GRID2: variants seen among roughly 807,000 people sequenced by gnomAD.
GRID2 encodes the protein glutamate ionotropic receptor delta type subunit 2, also known as glutamate receptor ionotropic, delta-2.
A neutral mutation model predicts 114.8 loss-of-function variants in GRID2; 33 were observed. That is an observed-to-expected ratio of 0.29 (90% CI 0.22 to 0.38). The LOEUF (loss-of-function observed/expected upper bound fraction) is 0.38. Ranked by LOEUF, GRID2 falls within the 10% of genes least tolerant of loss-of-function variation. The pLI, the probability that GRID2 is intolerant of heterozygous loss-of-function variation, is 1.00. For missense variants in GRID2, 1,184 were observed against 1,257.7 expected (o/e 0.94, Z 0.89); for synonymous variants, 505 against 449.9 (o/e 1.12, Z -1.55).
chr4:92,346,054 A>C (rs1328099642), intron 1 of GRID2, among the ~76,000 whole-genome samples: 5 of 152,202 alleles, frequency 3.3e-5, no homozygotes, highest in Non-Finnish European at 7.3e-5. Context: ...AAGAAGCACC[A>C]CTACTGATTG....
chr4:93,196,430 T>A (rs1741499616), intron 4 of GRID2, among the ~76,000 whole-genome samples: 1 of 152,186 alleles, frequency 6.6e-6, no homozygotes, highest in Non-Finnish European at 1.5e-5. Flanking sequence ...AACCTTTTGA[T>A]TTTTGTTTTC....
intron 8 of GRID2, among the ~76,000 whole-genome samples, chr4:93,368,341 A>T (rs1051323910): frequency 7.2e-5 from 11 of 152,288 alleles, no homozygotes; most frequent in African/African-American, 2.6e-4. Flanking sequence ...TATGTTCTTA[A>T]CTATGTTACA....
intron 14 of GRID2, among the ~76,000 whole-genome samples, chr4:93,752,314 T>C (rs1221199472): frequency 6.6e-6 from 1 of 152,150 alleles, no homozygotes; most frequent in Non-Finnish European, 1.5e-5. Context: ...GAAGTAATGA[T>C]AACAGAATTT....
chr4:93,022,889 T>A (rs1357141606), intron 2 of GRID2, among the ~76,000 whole-genome samples: 1 of 151,994 alleles, frequency 6.6e-6, no homozygotes, highest in Non-Finnish European at 1.5e-5. Context: ...TTAAAAAAAA[T>A]TCACTTGTGT....
chr4:93,458,812 T>A (rs1723443282), intron 11 of GRID2, among the ~76,000 whole-genome samples: 1 of 152,054 alleles, frequency 6.6e-6, no homozygotes, highest in African/African-American at 2.4e-5. Context: ...TAGATATTGA[T>A]TGAAATAGTA....
intron 9 of GRID2, among the ~76,000 whole-genome samples, chr4:93,412,349 G>C (rs1225200104): frequency 6.6e-6 from 1 of 151,004 alleles, no homozygotes; most frequent in Non-Finnish European, 1.5e-5. Flanking sequence ...AGCCGTGATT[G>C]TGCCATTGCA....
chr4:92,597,051 C>G lies in GRID2; in HGVS notation c.244+6765C>G, dbSNP rs921338937. On this transcript the variant is annotated intron_variant, in intron 2 of 15. Transcript: ENST00000282020. The stretch of plus-strand genomic sequence containing the variant: ...TTTTAAGTATACTTTTCAGGAAAGA[C>G]AGGTATTTTCTTTTTTTTACGATCA... Among the ~76,000 whole-genome samples the G allele has an allele frequency of 4.0e-5, 6 of 151,896 alleles. No homozygotes were observed. In the East Asian group the frequency reaches 1.2e-3, roughly 29 times the overall value.
chr4:93,199,616 C>G (rs1000293351), intron 4 of GRID2, among the ~76,000 whole-genome samples: 1 of 152,000 alleles, frequency 6.6e-6, no homozygotes, highest in African/African-American at 2.4e-5. Context: ...AGCAGAGATT[C>G]TAAAGCAAAA....
chr4:92,463,162 A>T (rs968645424), intron 1 of GRID2, among the ~76,000 whole-genome samples: 26 of 151,914 alleles, frequency 1.7e-4, no homozygotes, highest in Non-Finnish European at 3.5e-4. Flanking sequence ...TTAGTGTAAA[A>T]TTTTTATTTA....
At chr4:92,364,587 G>A (rs1728763005) in intron 1 of GRID2, among the ~76,000 whole-genome samples, 1 of 151,770 alleles carries the variant, frequency 6.6e-6, no homozygotes, top group Admixed American at 6.6e-5. Flanking sequence ...GAGAGGTCTA[G>A]TATAGACTTT....
intron 2 of GRID2, among the ~76,000 whole-genome samples, chr4:92,825,795 C>T (rs1251482273): frequency 6.6e-6 from 1 of 152,118 alleles, no homozygotes; most frequent in Non-Finnish European, 1.5e-5. Flanking sequence ...GACACCTGGA[C>T]ATTGTGCCAT....
intron 8 of GRID2, chr4:93,306,319 G>A (rs1269250490): frequency 6.6e-6 from 1 of 152,156 alleles, no homozygotes; most frequent in African/African-American, 2.4e-5. Context: ...ACATTTTCCA[G>A]ATGTGAGATT....
intron 13 of GRID2, among the ~76,000 whole-genome samples, chr4:93,572,083 A>G (rs1227588625): frequency 1.3e-5 from 2 of 152,166 alleles, no homozygotes; most frequent in Non-Finnish European, 2.9e-5. Flanking sequence ...AGGTCAAGTG[A>G]TTGCTTGAAA....
At chr4:92,335,421 C>T (rs888766576) in intron 1 of GRID2, among the ~76,000 whole-genome samples, 3 of 152,180 alleles carry the variant, frequency 2.0e-5, no homozygotes, top group African/African-American at 7.2e-5. Context: ...GAGAGATTTG[C>T]CCAGCATGTA....
At chr4:93,182,327 C>T (rs182844091) in intron 4 of GRID2, among the ~76,000 whole-genome samples, 15 of 152,018 alleles carry the variant, frequency 9.9e-5, no homozygotes, top group Non-Finnish European at 1.9e-4. Flanking sequence ...TCTATACATA[C>T]TCCATTAACT....
chr4:93,739,597 T>C (rs924762943), intron 14 of GRID2, among the ~76,000 whole-genome samples: 1 of 152,098 alleles, frequency 6.6e-6, no homozygotes, highest in Non-Finnish European at 1.5e-5. Context: ...TGATATTAGG[T>C]ACTTTAAGGG....
chr4:92,840,233 A>G (rs1328092337), intron 2 of GRID2, among the ~76,000 whole-genome samples: 1 of 151,846 alleles, frequency 6.6e-6, no homozygotes, highest in Non-Finnish European at 1.5e-5. Flanking sequence ...TGTCTCTTGT[A>G]TTCAACAGAT....
intron 2 of GRID2, among the ~76,000 whole-genome samples, chr4:92,836,276 A>G (rs1742453471): frequency 6.6e-6 from 1 of 152,154 alleles, no homozygotes; most frequent in Non-Finnish European, 1.5e-5. Flanking sequence ...TTTTTAGCAC[A>G]GTGGAAACTA....
chr4:92,801,386 A>G (rs939415778), intron 2 of GRID2, among the ~76,000 whole-genome samples: 1 of 152,002 alleles, frequency 6.6e-6, no homozygotes, highest in African/African-American at 2.4e-5. Context: ...ATTTATTTCT[A>G]CAAAAACCTC....
Sources: allele counts gnomAD v4.1 joint callset (sites outside exome capture counted in the v4.1 genomes callset), GRCh38; gene constraint gnomAD v4.1.1; transcripts MANE v1.5; gene names NCBI Gene and HGNC (gene_info 2026-07-23, HGNC 2026-07-21).